STK32C: variants seen among roughly 807,000 people sequenced by gnomAD.
STK32C encodes serine/threonine kinase 32C.
A neutral mutation model predicts 56.5 loss-of-function variants in STK32C; 31 were observed. The ratio of observed to expected loss-of-function variants is 0.55; its 90% CI spans 0.41 to 0.74. STK32C has a LOEUF of 0.74. STK32C is among the 30% of genes least tolerant of loss of function. STK32C has a pLI of 0.00. For missense variants in STK32C, 544 were observed against 676.9 expected, an observed-to-expected ratio of 0.80 and a Z score of 2.18; for synonymous variants, 309 against 289.4, an observed-to-expected ratio of 1.07 and a Z score of -0.69.
At chr10:132,245,791 G>A in intron 2 of STK32C, 109 bp downstream of exon 2, 1 of 1,120,528 alleles carries the variant, frequency 8.9e-7, no homozygotes, top group Non-Finnish European at 1.3e-6. Flanking sequence ...AGGTAAGGCT[G>A]CTTCTCCCAA....
At chr10:132,208,289 A>C (rs931729730) in intron 11 of STK32C, 138 bp from the exon 12 acceptor site, 8 of 1,080,330 alleles carry the variant, frequency 7.4e-6, no homozygotes, top group African/African-American at 4.9e-5. Context: ...TGTCTGCTGG[A>C]GAGGCCATGC....
rs2064062013 is a variant in STK32C, at chr10:132,255,119, G to A, written c.263-9164C>T. 6.6e-6 allele frequency among the ~76,000 whole-genome samples: 1 copy of A among 152,208 alleles called. No individual in the cohort carries two copies. Among genetic ancestry groups the A allele is most frequent in the African/African-American group, 2.4e-5 (1 of 41,444 alleles). Reference sequence around the variant, plus strand: ...CAAAGATCAAATGTCACACGTGGTTGAAACACACGCAGAAGTTGATTAAAT... The same window carrying A: ...CAAAGATCAAATGTCACACGTGGTTAAAACACACGCAGAAGTTGATTAAAT... On this transcript the variant is annotated intron_variant, in intron 1 of 11. Coordinates refer to ENST00000298630, the MANE Select transcript of STK32C (RefSeq NM_173575.4). This position sits in a 1 kb window ranked among gnomAD's most constrained non-coding sequence, Gnocchi z 4.6.
At position 132,255,186 on chromosome 10, in the gene STK32C, G is replaced by A. The variant is rs544323306; in HGVS notation, c.263-9231C>T. 2.0e-5 allele frequency among the ~76,000 whole-genome samples: 3 copies of A among 152,288 alleles called. No individual in the cohort carries two copies. Among genetic ancestry groups the A allele is most frequent in the African/African-American group, 7.2e-5 (3 of 41,556 alleles). ...TGACCTGGGAAGTGCTTATGATGAG[G>A]AAAATCATCCCCCAGGACTCCGAGA... is the stretch of plus-strand genomic sequence containing the variant. On this transcript the variant is annotated intron_variant, in intron 1 of 11. Coordinates refer to ENST00000298630, the MANE Select transcript of STK32C (RefSeq NM_173575.4). The surrounding 1 kb of genome is among the most constrained non-coding windows in gnomAD (Gnocchi z 4.6).
intron 2 of STK32C, among the ~76,000 whole-genome samples, chr10:132,232,359 G>A (rs930905024): frequency 2.6e-5 from 4 of 152,200 alleles, no homozygotes; most frequent in African/African-American, 9.7e-5. Flanking sequence ...AGAGAAGAGG[G>A]CGGGTCCGGC....
Position 132,330,470 on chromosome 10 carries a change from T to C in STK32C, c.301+966A>G. On this transcript the variant is annotated intron_variant, in intron 1 of 1. Transcript: ENST00000368619. ...CCCCACGCTCCTGAGAAGGTACTGG[T>C]TGTGCTTTCAGCTTCCTGATTGGTA... is the stretch of plus-strand genomic sequence containing the variant. 3 of 717,208 alleles carry C rather than the reference T, an allele frequency of 4.2e-6. No homozygotes were observed. In the East Asian group the frequency reaches 8.1e-5, roughly 19 times the overall value. The allele number at this position is 717,208 out of a possible 1,614,324, so 44.4% of individuals were successfully genotyped here.
rs368936777 is a variant in STK32C, at chr10:132,294,018, G to A, written c.262+13554C>T. Among the ~76,000 whole-genome samples, 8 of 152,294 alleles carry A rather than the reference G, an allele frequency of 5.3e-5. No individual in the cohort carries two copies. In the East Asian group the frequency reaches 7.7e-4, roughly 15 times the overall value. ...GGCCAGCATGGGGGCATCAGGACTC[G>A]CATTTGAACCTGCGGAACTGAGACA... On this transcript the variant is annotated intron_variant, in intron 1 of 11. Coordinates refer to ENST00000298630, the MANE Select transcript of STK32C (RefSeq NM_173575.4).
rs565312988 is a variant in STK32C, at chr10:132,265,518, G to T, written c.263-19563C>A. On this transcript the variant is annotated intron_variant, in intron 1 of 11. Transcript: ENST00000298630. ...GGGGCCCTGCCTGGGTGTGAGGAGA[G>T]GACACGGTGCAGAGAGACGGAGGGC... Among the ~76,000 whole-genome samples the T allele has an allele frequency of 5.9e-5, 9 of 152,290 alleles. No homozygotes were observed. In the East Asian group the frequency reaches 1.7e-3, roughly 29 times the overall value.
At chr10:132,315,800 G>A (rs1317526973) in intron 1 of STK32C, among the ~76,000 whole-genome samples, 2 of 152,124 alleles carry the variant, frequency 1.3e-5, no homozygotes, top group Admixed American at 1.3e-4. Context: ...ATATTAAATA[G>A]GATGTCATAT....
chr10:132,277,206 C>A (rs900759683), intron 1 of STK32C, among the ~76,000 whole-genome samples: 7 of 152,178 alleles, frequency 4.6e-5, no homozygotes, highest in Admixed American at 2.0e-4. Flanking sequence ...TTGGCCAGGA[C>A]CATCAAAACC....
At chr10:132,223,356 A>G (rs1337137101) in intron 8 of STK32C, among the ~76,000 whole-genome samples, 1 of 152,150 alleles carries the variant, frequency 6.6e-6, no homozygotes, top group Non-Finnish European at 1.5e-5. Context: ...TCCCAGAGCC[A>G]CTTCCTTCAC....
chr10:132,324,112 A>G, exon 2 of STK32C: 1 of 641,442 alleles, frequency 1.6e-6, no homozygotes, highest in South Asian at 1.8e-5. Flanking sequence ...AATTCCAGGG[A>G]CCCACTCCAA....
At chr10:132,243,416 T>A (rs1322937737) in intron 2 of STK32C, among the ~76,000 whole-genome samples, 1 of 151,690 alleles carries the variant, frequency 6.6e-6, no homozygotes, top group Non-Finnish European at 1.5e-5. Context: ...TGGACGGAAG[T>A]CTATGCCGGG....
At chr10:132,261,030 C>A (rs2064285903) in intron 1 of STK32C, among the ~76,000 whole-genome samples, 2 of 152,284 alleles carry the variant, frequency 1.3e-5, no homozygotes, top group Non-Finnish European at 2.9e-5. Flanking sequence ...GCATCCCGAC[C>A]TCCCACAGGC....
chr10:132,221,278 TGCTG>T (rs2062632057), intron 10 of STK32C, among the ~76,000 whole-genome samples: 1 of 139,034 alleles, frequency 7.2e-6, no homozygotes, highest in African/African-American at 2.7e-5. Context: ...ACACAACTGA[TGCTG>T]ACGCACCTGG....
intron 10 of STK32C, 147 bp from the exon 11 acceptor site, chr10:132,209,248 C>T: frequency 1.3e-6 from 1 of 753,454 alleles, no homozygotes; most frequent in Non-Finnish European, 2.3e-6. Context: ...CCCCGGCCCT[C>T]CAGCAGCCAG....
chr10:132,304,025 G>A (rs1377206924), intron 1 of STK32C, among the ~76,000 whole-genome samples: 1 of 152,230 alleles, frequency 6.6e-6, no homozygotes, highest in Non-Finnish European at 1.5e-5. Flanking sequence ...GACCAATTGA[G>A]CGGCCACACG....
At chr10:132,324,763 A>T (rs186736466) in intron 1 of STK32C, among the ~76,000 whole-genome samples, 2 of 152,216 alleles carry the variant, frequency 1.3e-5, no homozygotes, top group African/African-American at 4.8e-5. Flanking sequence ...GATGTGCCCA[A>T]GGTGGTTGGG....
Position 132,222,670 on chromosome 10 carries a change from G to A in STK32C, c.1222C>T (p.Arg408Trp), listed in dbSNP as rs780686475. Residue 408 changes from arginine (R) to tryptophan (W), a missense_variant, in exon 10 of 12, where the codon CGG (arginine) becomes TGG (tryptophan). Coordinates refer to ENST00000298630, the MANE Select transcript of STK32C (RefSeq NM_173575.4). The stretch of plus-strand genomic sequence containing the variant: ...TGGGAGCTGTCCCTGCTGTTGTCCC[G>A]GGACTTGTTCTTGGCCAGACGCTTC... ...KKKRLAKNKS[R>W]DNSRDSSQSE... 39 of 1,612,950 alleles carry A rather than the reference G, an allele frequency of 2.4e-5. No individual in the cohort carries two copies. The highest frequency in any genetic ancestry group is 2.2e-5 in the South Asian group (2 of 91,028).
At chr10:132,226,714 C>T (rs911435874) in intron 4 of STK32C, 81 bp downstream of exon 4, 39 of 1,519,034 alleles carry the variant, frequency 2.6e-5, no homozygotes, top group South Asian at 4.7e-5. Context: ...GGAGTACGGC[C>T]GCCGTGCCGG....
Sources: gnomAD v4.1 joint callset for allele counts (sites outside exome capture counted in the v4.1 genomes callset) on GRCh38, gnomAD v4.1.1 for gene constraint, Gnocchi (gnomAD v3.1) non-coding constraint, MANE v1.5 for transcripts, NCBI Gene and HGNC (gene_info 2026-07-23, HGNC 2026-07-21) for gene names.